The following MTFR1 variants were observed in gnomAD, a reference collection of about 807,000 sequenced individuals.
MTFR1 encodes the protein mitochondrial fission regulator 1.
MTFR1 carries 28 observed loss-of-function variants against 38.8 expected under a neutral mutation model. That is an observed-to-expected ratio of 0.72 (90% CI 0.53 to 0.99). MTFR1 has a LOEUF of 0.99. MTFR1 is among the 50% of genes least tolerant of loss of function. MTFR1 has a pLI of 0.00. For synonymous variants in MTFR1, 145 were observed against 137.0 expected (o/e 1.06, Z -0.41); for missense variants, 358 against 395.5 (o/e 0.91, Z 0.81).
Position 65,665,816 on chromosome 8 carries a change from A to C in MTFR1, c.-80-4057A>C, listed in dbSNP as rs533095890. ...ACCAGCTACTTTACCAACTTTGGTT[A>C]ATTCTTTTATTGGCATATTGAATCC... On this transcript the variant is annotated intron_variant, in intron 1 of 7. Transcript: ENST00000262146. Among the ~76,000 whole-genome samples, 48 of 152,332 alleles carry C rather than the reference A, an allele frequency of 3.2e-4. 1 individual carries two copies. The highest frequency in any genetic ancestry group is 8.9e-4 in the African/African-American group (37 of 41,590).
chr8:65,778,489 A>C, the MTFR1 span, among the ~76,000 whole-genome samples: 1 of 152,148 alleles, frequency 6.6e-6, no homozygotes, highest in Non-Finnish European at 1.5e-5. Flanking sequence ...CATTCCAATC[A>C]AAGACCAAGA....
chr8:65,662,014 T>C (rs966881710), intron 1 of MTFR1, among the ~76,000 whole-genome samples: 6 of 136,600 alleles, frequency 4.4e-5, no homozygotes, highest in Admixed American at 7.4e-5. Flanking sequence ...TCTCCCTCTC[T>C]CTCTCCCTCT....
intron 3 of MTFR1, among the ~76,000 whole-genome samples, chr8:65,687,345 T>C (rs1222317135): frequency 9.1e-6 from 1 of 109,520 alleles, no homozygotes; most frequent in Non-Finnish European, 1.8e-5. Context: ...TCTTAAAGAA[T>C]ACTTTTTTTT....
At chr8:65,667,982 A>G (rs76872644) in intron 1 of MTFR1, among the ~76,000 whole-genome samples, 2,419 of 151,984 alleles carry the variant, frequency 0.016, 75 homozygotes, top group African/African-American at 0.054. Context: ...TTCACCCAGC[A>G]CTTGGCATAT....
At chr8:65,648,999 G>A (rs1027901141) in intron 1 of MTFR1, among the ~76,000 whole-genome samples, 2 of 151,710 alleles carry the variant, frequency 1.3e-5, no homozygotes, top group Admixed American at 6.6e-5. Flanking sequence ...TTCTGTATCC[G>A]CAGATAGAAA....
chr8:65,776,067 T>A (rs527796728), downstream of MTFR1, among the ~76,000 whole-genome samples: 1 of 152,336 alleles, frequency 6.6e-6, no homozygotes, highest in South Asian at 2.1e-4. Flanking sequence ...TAAATCAATG[T>A]TATTGATTTA....
intron 1 of MTFR1, among the ~76,000 whole-genome samples, chr8:65,651,519 G>GGATATCCA (rs1203850446): frequency 1.3e-5 from 2 of 152,130 alleles, no homozygotes; most frequent in Non-Finnish European, 2.9e-5. Context: ...TTCGGTATGT[G>GGATATCCA]GATATCCAGT....
chr8:65,766,632 T>C (rs979003472), intron 3 of MTFR1, among the ~76,000 whole-genome samples: 3 of 152,216 alleles, frequency 2.0e-5, no homozygotes, highest in African/African-American at 4.8e-5. Context: ...CTCTCTCCCA[T>C]GCATCACCCT....
intron 3 of MTFR1, among the ~76,000 whole-genome samples, chr8:65,767,037 C>T (rs954619368): frequency 1.3e-4 from 20 of 150,462 alleles, no homozygotes; most frequent in South Asian, 4.2e-4. Context: ...ACAACAACAA[C>T]GCCTGGACCA....
chr8:65,648,436 G>A (rs552797543), intron 1 of MTFR1, among the ~76,000 whole-genome samples: 1 of 152,152 alleles, frequency 6.6e-6, no homozygotes, highest in African/African-American at 2.4e-5. Flanking sequence ...AGAGTGGCTA[G>A]TAAAATGAAA....
At position 65,750,474 on chromosome 8, in the gene MTFR1, C is replaced by CTGTGTGTGTGTGTGTG. The variant is rs371620919; in HGVS notation, c.*49-20459_*49-20444dup. ...TATGTATATATGTAAATTAGAATCA[C>CTGTGTGTGTGTGTGTG]TGTGTGTGTGTGTGTGTGTGTGTGT... On this transcript the variant is annotated intron_variant, in intron 3 of 3. Coordinates refer to the MTFR1 transcript ENST00000521247. 4.3e-3 allele frequency among the ~76,000 whole-genome samples: 611 copies of CTGTGTGTGTGTGTGTG among 142,618 alleles called. 1 individual carries two copies. Among genetic ancestry groups the CTGTGTGTGTGTGTGTG allele is most frequent in the Non-Finnish European group, 4.6e-3 (300 of 65,284 alleles). The allele number at this position is 142,618 out of a possible 152,430, so 93.6% of individuals were successfully genotyped here.
chr8:65,776,075 T>A (rs904231252), downstream of MTFR1, among the ~76,000 whole-genome samples: 5 of 152,200 alleles, frequency 3.3e-5, no homozygotes, highest in Admixed American at 2.0e-4. Context: ...TGTTATTGAT[T>A]TAGCATTCCT....
In MTFR1 at chr8:65,662,945, G is replaced by C. The variant is rs576613052; in HGVS notation, c.-80-6928G>C. Among the ~76,000 whole-genome samples the C allele has an allele frequency of 1.1e-3, 173 of 151,624 alleles. 3 individuals carry two copies. In the East Asian group the frequency reaches 0.03, roughly 27 times the overall value. ...CCCCGCCTGGCCAGCCACCCCGTCC[G>C]GGAGATGAGGGGCGCCTCTGCCCGG... On this transcript the variant is annotated intron_variant, in intron 1 of 7. Transcript: ENST00000262146.
At chr8:65,657,705 C>T (rs1333836082) in intron 1 of MTFR1, among the ~76,000 whole-genome samples, 1 of 144,928 alleles carries the variant, frequency 6.9e-6, no homozygotes, top group East Asian at 2.0e-4. Flanking sequence ...GAGACTGTCT[C>T]TAAAAAAAAA....
At chr8:65,774,288 G>T (rs1809194267), downstream of MTFR1, among the ~76,000 whole-genome samples, 1 of 150,362 alleles carries the variant, frequency 6.7e-6, no homozygotes, top group Non-Finnish European at 1.5e-5. Context: ...ATTTTTAAAA[G>T]ATTTTTTGTA....
At chr8:65,653,563 A>G (rs1809177162) in intron 1 of MTFR1, among the ~76,000 whole-genome samples, 1 of 152,272 alleles carries the variant, frequency 6.6e-6, no homozygotes, top group East Asian at 1.9e-4. Context: ...AAATTAAAAC[A>G]TTAAGAGCAT....
chr8:65,777,239 C>T, the MTFR1 span, among the ~76,000 whole-genome samples: 2 of 151,958 alleles, frequency 1.3e-5, no homozygotes, highest in Admixed American at 6.6e-5. Flanking sequence ...ACCACCACGC[C>T]TGGCTAATTT....
intron 3 of MTFR1, among the ~76,000 whole-genome samples, chr8:65,766,136 G>C (rs2128917494): frequency 6.6e-6 from 1 of 152,182 alleles, no homozygotes; most frequent in East Asian, 1.9e-4. Context: ...AGTAGAGATG[G>C]GGTTTCGCCA....
At chr8:65,713,879 G>A (rs915744713), downstream of MTFR1, among the ~76,000 whole-genome samples, 7 of 151,872 alleles carry the variant, frequency 4.6e-5, no homozygotes, top group African/African-American at 1.5e-4. Flanking sequence ...GTAGAGATGG[G>A]GTTTCGCCAT....
Sources: allele counts gnomAD v4.1 joint callset (sites outside exome capture counted in the v4.1 genomes callset), GRCh38; gene constraint gnomAD v4.1.1; transcripts MANE v1.5; gene names NCBI Gene and HGNC (gene_info 2026-07-23, HGNC 2026-07-21).